Variants in GABBR2 observed in about 807,000 individuals in gnomAD.
GABBR2 encodes gamma-aminobutyric acid type B receptor subunit 2, also known as G-protein coupled receptor 51.
In GABBR2, 23 loss-of-function variants were observed where a neutral mutation model predicts 105.6. That is an observed-to-expected ratio of 0.22 (90% CI 0.16 to 0.31). The LOEUF is 0.31. GABBR2 is among the 10% of genes least tolerant of loss of function. GABBR2 has a pLI of 1.00. For synonymous variants in GABBR2, 478 were observed against 499.7 expected (o/e 0.96, Z 0.58); for missense variants, 734 against 1,245.5 (o/e 0.59, Z 6.18).
chr9:98,299,634 G>C (rs1233509952), intron 16 of GABBR2, among the ~76,000 whole-genome samples: 3 of 152,182 alleles, frequency 2.0e-5, no homozygotes, highest in Non-Finnish European at 4.4e-5. Context: ...GGGAGGAAGG[G>C]CAGGGAGAGC....
intron 7 of GABBR2, among the ~76,000 whole-genome samples, chr9:98,451,743 T>C (rs1205415890): frequency 6.6e-6 from 1 of 152,192 alleles, no homozygotes; most frequent in East Asian, 1.9e-4. Flanking sequence ...CTCCTTAGCA[T>C]GTCCCTCCAG....
At chr9:98,489,305 A>G (rs913630293) in intron 4 of GABBR2, among the ~76,000 whole-genome samples, 8 of 152,202 alleles carry the variant, frequency 5.3e-5, no homozygotes, top group African/African-American at 1.9e-4. Context: ...GGTCAGAAGA[A>G]GAGGCTGTGA....
chr9:98,648,655 A>C (rs1398262641), intron 1 of GABBR2, among the ~76,000 whole-genome samples: 2 of 152,148 alleles, frequency 1.3e-5, no homozygotes, highest in African/African-American at 4.8e-5. Flanking sequence ...ATCAGGGGTT[A>C]CCAAACCTAG....
intron 1 of GABBR2, among the ~76,000 whole-genome samples, chr9:98,688,789 G>A (rs1200266718): frequency 6.6e-6 from 1 of 152,162 alleles, no homozygotes; most frequent in Non-Finnish European, 1.5e-5. Flanking sequence ...TCACACTTGT[G>A]CAGGCCTCTG....
chr9:98,677,372 A>C (rs1196936563), intron 1 of GABBR2, among the ~76,000 whole-genome samples: 3 of 152,220 alleles, frequency 2.0e-5, no homozygotes, highest in Non-Finnish European at 4.4e-5. Flanking sequence ...TTCACATATT[A>C]ATAACTGGAG....
intron 13 of GABBR2, among the ~76,000 whole-genome samples, chr9:98,328,639 G>A (rs943279347): frequency 5.9e-5 from 9 of 152,336 alleles, no homozygotes; most frequent in East Asian, 1.9e-4. Context: ...AATGAGCAGT[G>A]TAGCAGGGAA....
intron 1 of GABBR2, among the ~76,000 whole-genome samples, chr9:98,632,605 G>A (rs762371064): frequency 5.9e-5 from 9 of 152,088 alleles, no homozygotes; most frequent in East Asian, 1.9e-4. Context: ...CTCAAAACCC[G>A]GCCATCATGC....
chr9:98,607,733 T>C, intron 1 of GABBR2: 1 of 771,900 alleles, frequency 1.3e-6, no homozygotes, highest in Non-Finnish European at 2.4e-6. Flanking sequence ...ACTAATAATG[T>C]CCACTATGAG....
At chr9:98,614,993 G>T (rs1381784594) in intron 1 of GABBR2, among the ~76,000 whole-genome samples, 2 of 152,170 alleles carry the variant, frequency 1.3e-5, no homozygotes, top group Non-Finnish European at 2.9e-5. Context: ...CTGTCCTGTA[G>T]CCTTTTCAAT....
chr9:98,320,938 C>T (rs1294983976), intron 13 of GABBR2, among the ~76,000 whole-genome samples: 1 of 151,436 alleles, frequency 6.6e-6, no homozygotes, highest in Non-Finnish European at 1.5e-5. Context: ...TGTAACTAAC[C>T]TGCACAATGT....
chr9:98,705,609 A>C (rs1830882754), intron 1 of GABBR2, among the ~76,000 whole-genome samples: 1 of 152,266 alleles, frequency 6.6e-6, no homozygotes, highest in African/African-American at 2.4e-5. Flanking sequence ...CCACAAAGAC[A>C]GCCAATCTGA....
intron 1 of GABBR2, among the ~76,000 whole-genome samples, chr9:98,666,698 C>G (rs1320655286): frequency 6.6e-6 from 1 of 152,156 alleles, no homozygotes; most frequent in African/African-American, 2.4e-5. Flanking sequence ...TAAGTAGTTA[C>G]TCATGGCTGG....
intron 3 of GABBR2, among the ~76,000 whole-genome samples, chr9:98,534,848 C>A (rs1828139956): frequency 6.6e-6 from 1 of 152,228 alleles, no homozygotes; most frequent in Non-Finnish European, 1.5e-5. Flanking sequence ...ATACCCTTAC[C>A]ATATGATCCA....
chr9:98,700,531 A>G (rs1213374888), intron 1 of GABBR2, among the ~76,000 whole-genome samples: 1 of 152,050 alleles, frequency 6.6e-6, no homozygotes, highest in Non-Finnish European at 1.5e-5. Flanking sequence ...GTCTCCTTCC[A>G]CAGGTGTCAG....
Position 98,300,917 on chromosome 9 carries a change from C to A in GABBR2, c.2413-1564G>T, listed in dbSNP as rs577340250. Among the ~76,000 whole-genome samples, 3 of 152,288 alleles carry A rather than the reference C, an allele frequency of 2.0e-5. No homozygotes were observed. In the East Asian group the frequency reaches 5.8e-4, roughly 29 times the overall value. ...CATTTCTACACAGTTGTCAGTCATG[C>A]CTCGTGTAATGAAGCCTCCATAAAA... On this transcript the variant is annotated intron_variant, in intron 16 of 18. Transcript: ENST00000259455.
chr9:98,446,189 T>A (rs1237295542), intron 7 of GABBR2, among the ~76,000 whole-genome samples: 1 of 152,218 alleles, frequency 6.6e-6, no homozygotes, highest in Non-Finnish European at 1.5e-5. Flanking sequence ...ATCTCATAGG[T>A]ATGCAATGAT....
At chr9:98,613,893 GTGT>G (rs1460654421) in intron 1 of GABBR2, among the ~76,000 whole-genome samples, 1 of 152,206 alleles carries the variant, frequency 6.6e-6, no homozygotes, top group Non-Finnish European at 1.5e-5. Context: ...TTAGGAAAAT[GTGT>G]TAGCAAAGTT....
intron 3 of GABBR2, among the ~76,000 whole-genome samples, chr9:98,524,693 T>C (rs1827926939): frequency 6.6e-6 from 1 of 152,198 alleles, no homozygotes; most frequent in African/African-American, 2.4e-5. Flanking sequence ...GGAAATCTTG[T>C]CAGCTCTACT....
intron 13 of GABBR2, among the ~76,000 whole-genome samples, chr9:98,333,585 A>G (rs147248136): frequency 1.8e-3 from 275 of 152,220 alleles, no homozygotes; most frequent in Non-Finnish European, 3.0e-3. Context: ...TTTTATAAGG[A>G]CACCTGTCAT....
Sources: gnomAD v4.1 joint callset for allele counts (sites outside exome capture counted in the v4.1 genomes callset) on GRCh38, gnomAD v4.1.1 for gene constraint, MANE v1.5 for transcripts, NCBI Gene and HGNC (gene_info 2026-07-23, HGNC 2026-07-21) for gene names.